The following RASA2 variants were observed in gnomAD, a reference collection of about 807,000 sequenced individuals.
RASA2 encodes RAS p21 protein activator 2.
A neutral mutation model predicts 118.2 loss-of-function variants in RASA2; 155 were observed. The observed-to-expected ratio is 1.31, with a 90% CI of 1.15 to 1.50. RASA2 has a LOEUF of 1.50. RASA2 is among the 40% of genes most tolerant of loss of function. The pLI, the probability that RASA2 is intolerant of heterozygous loss-of-function variation, is 0.00. For missense variants in RASA2, 1,016 were observed against 1,009.6 expected, an observed-to-expected ratio of 1.01 and a Z score of -0.09; for synonymous variants, 353 against 349.1, an observed-to-expected ratio of 1.01 and a Z score of -0.12.
chr3:141,544,397 C>CT (rs894395511), intron 5 of RASA2, among the ~76,000 whole-genome samples: 60 of 151,880 alleles, frequency 4.0e-4, no homozygotes, highest in African/African-American at 1.1e-3. Flanking sequence ...AATGTTAGGT[C>CT]TTTTTTTTAC....
At chr3:141,498,089 C>A (rs571869309) in intron 1 of RASA2, among the ~76,000 whole-genome samples, 1 of 152,198 alleles carries the variant, frequency 6.6e-6, no homozygotes, top group South Asian at 2.1e-4. Context: ...ATAAAATATT[C>A]TTGGTAGATG....
intron 1 of RASA2, among the ~76,000 whole-genome samples, chr3:141,509,977 T>A (rs565327743): frequency 6.6e-6 from 1 of 152,360 alleles, no homozygotes; most frequent in Admixed American, 6.5e-5. Flanking sequence ...TTTATTTTTT[T>A]AGTGACAGAT....
intron 4 of RASA2, among the ~76,000 whole-genome samples, chr3:141,537,814 C>T (rs1029075774): frequency 1.6e-4 from 25 of 152,074 alleles, no homozygotes; most frequent in Non-Finnish European, 2.5e-4. Flanking sequence ...CCAATATCTG[C>T]GTCTCTTGTA....
At chr3:141,492,460 C>T (rs2081650327) in intron 1 of RASA2, among the ~76,000 whole-genome samples, 1 of 152,040 alleles carries the variant, frequency 6.6e-6, no homozygotes, top group Non-Finnish European at 1.5e-5. Flanking sequence ...TTATCAAAAA[C>T]CCCTATCTAA....
intron 19 of RASA2, among the ~76,000 whole-genome samples, chr3:141,597,204 C>T (rs934731948): frequency 2.0e-5 from 3 of 152,038 alleles, no homozygotes; most frequent in Non-Finnish European, 4.4e-5. Context: ...GGTTTGAGAC[C>T]AGCCTGGGCA....
intron 5 of RASA2, among the ~76,000 whole-genome samples, chr3:141,546,158 G>A (rs1206265650): frequency 6.6e-6 from 1 of 152,182 alleles, no homozygotes; most frequent in Non-Finnish European, 1.5e-5. Context: ...TAGTGCCACA[G>A]TAACCATGAG....
At chr3:141,555,812 A>G (rs958555197) in intron 6 of RASA2, 28 bp from the exon 7 acceptor site, 5 of 1,575,812 alleles carry the variant, frequency 3.2e-6, no homozygotes, top group Non-Finnish European at 4.3e-6. Context: ...TAAGTTCTAC[A>G]AGGTAAAACT....
chr3:141,487,321 G>C, intron 1 of RASA2, 105 bp downstream of exon 1: 1 of 1,168,146 alleles, frequency 8.6e-7, no homozygotes, highest in Non-Finnish European at 1.1e-6. Flanking sequence ...CTGGGATCGC[G>C]GGCCCGGGAG....
chr3:141,599,848 C>T lies in RASA2; in HGVS notation c.1934-7830C>T, dbSNP rs544606574. On this transcript the variant is annotated intron_variant, in intron 19 of 23. Transcript: ENST00000286364. ...AAATTGCTTATTGAAAGGAAACCCTCGAAGAGTAAGGGAGGGAATGTAGAA... is the reference window on the plus strand; with the variant it reads ...AAATTGCTTATTGAAAGGAAACCCTTGAAGAGTAAGGGAGGGAATGTAGAA... Among the ~76,000 whole-genome samples the T allele has an allele frequency of 2.6e-5, 4 of 152,126 alleles. No homozygotes were observed. The East Asian group carries it at 5.8e-4, about 22-fold the overall frequency.
At chr3:141,576,872 C>G (rs1183314829) in intron 14 of RASA2, 128 bp from the exon 15 acceptor site, 8 of 441,944 alleles carry the variant, frequency 1.8e-5, no homozygotes, top group African/African-American at 1.4e-4. Flanking sequence ...ATCATTTCAT[C>G]AACTCAGTTC....
At chr3:141,578,183 C>T (rs77581852) in intron 15 of RASA2, among the ~76,000 whole-genome samples, 3 of 152,162 alleles carry the variant, frequency 2.0e-5, no homozygotes, top group African/African-American at 7.2e-5. Context: ...AAGGAAATCA[C>T]AATACAGTAA....
chr3:141,610,134 A>C (rs746561284), intron 23 of RASA2, 68 bp downstream of exon 23: 8 of 1,305,888 alleles, frequency 6.1e-6, no homozygotes, highest in Non-Finnish European at 8.3e-6. Context: ...TCCTGCCCCA[A>C]CCTCACACCT....
At chr3:141,610,151 C>T (rs987034144) in intron 23 of RASA2, 85 bp downstream of exon 23, 6 of 1,185,118 alleles carry the variant, frequency 5.1e-6, no homozygotes, top group Non-Finnish European at 5.8e-6. Flanking sequence ...ACCTCCTGCT[C>T]ACCCACATCT....
intron 3 of RASA2, among the ~76,000 whole-genome samples, chr3:141,517,030 A>G (rs1184818365): frequency 6.6e-6 from 1 of 151,514 alleles, no homozygotes; most frequent in Non-Finnish European, 1.5e-5. Context: ...TCGGCCTCCC[A>G]GAGTGTTAGG....
intron 2 of RASA2, 24 bp from the exon 3 acceptor site, chr3:141,516,304 A>G: frequency 2.0e-6 from 3 of 1,485,750 alleles, no homozygotes; most frequent in Non-Finnish European, 2.7e-6. Flanking sequence ...TATTTGAAGT[A>G]ATGAGCTTTC....
chr3:141,550,451 G>T (rs185237877), intron 5 of RASA2, among the ~76,000 whole-genome samples: 5 of 152,270 alleles, frequency 3.3e-5, no homozygotes, highest in Non-Finnish European at 5.9e-5. Flanking sequence ...ACAACTAAAT[G>T]CACTATGGGA....
intron 20 of RASA2, among the ~76,000 whole-genome samples, chr3:141,608,213 T>C (rs1424993274): frequency 6.6e-6 from 1 of 152,220 alleles, no homozygotes; most frequent in Non-Finnish European, 1.5e-5. Context: ...TTTTCTTCCA[T>C]TAACAATTCC....
chr3:141,572,519 A>G, intron 11 of RASA2, 90 bp from the exon 12 acceptor site: 1 of 890,120 alleles, frequency 1.1e-6, no homozygotes, highest in South Asian at 1.4e-5. Context: ...TTTCAGCTAA[A>G]TGCTTCTTTC....
At position 141,573,937 on chromosome 3, in the gene RASA2, C is replaced by A; in HGVS notation, c.1360-7C>A. On this transcript the variant is annotated splice_region_variant and splice_polypyrimidine_tract_variant and intron_variant, in intron 13 of 23. Coordinates refer to ENST00000286364, the MANE Select transcript of RASA2 (RefSeq NM_006506.5). The stretch of plus-strand genomic sequence containing the variant: ...AATCTTAATGTTTACCTTTTTAAAT[C>A]CTGCAGGAGAATCTGCGCTACTATG... The A allele has an allele frequency of 6.4e-7, 1 of 1,562,970 alleles. No homozygotes were observed. The highest frequency in any genetic ancestry group is 8.7e-7 in the Non-Finnish European group (1 of 1,153,718).
Sources: allele counts gnomAD v4.1 joint callset (sites outside exome capture counted in the v4.1 genomes callset), GRCh38; gene constraint gnomAD v4.1.1; transcripts MANE v1.5; gene names NCBI Gene and HGNC (gene_info 2026-07-23, HGNC 2026-07-21).